The following AK9 variants were observed in gnomAD, a reference collection of about 807,000 sequenced individuals.
AK9 encodes the protein adenylate kinase 9.
Under a neutral mutation model 239.6 loss-of-function variants are expected in AK9, and 191 were observed. The ratio of observed to expected loss-of-function variants is 0.80; its 90% CI spans 0.71 to 0.90. The LOEUF is 0.90. AK9 is among the 40% of genes least tolerant of loss of function. The pLI is 0.00. For missense variants in AK9, 1,995 were observed against 2,214.7 expected, an observed-to-expected ratio of 0.90 and a Z score of 1.99; for synonymous variants, 689 against 721.0, an observed-to-expected ratio of 0.96 and a Z score of 0.71.
chr6:109,649,937 T>C (rs1375734983), intron 8 of AK9, among the ~76,000 whole-genome samples: 2 of 152,110 alleles, frequency 1.3e-5, no homozygotes, highest in Admixed American at 6.6e-5. Context: ...GCCGCAGATC[T>C]ACAACTATCT....
chr6:109,645,729 G>T (rs1247771041), intron 8 of AK9, among the ~76,000 whole-genome samples: 1 of 152,208 alleles, frequency 6.6e-6, no homozygotes, highest in Non-Finnish European at 1.5e-5. Flanking sequence ...CAGAGTTTGA[G>T]CTCTGAGAAT....
At chr6:109,632,862 C>CAGATAG in intron 12 of AK9, 61 bp downstream of exon 12, 1 of 1,253,704 alleles carries the variant, frequency 8.0e-7, no homozygotes, top group African/African-American at 1.6e-5. Context: ...GACAGATAGA[C>CAGATAG]ATAGATAGAT....
In AK9 at chr6:109,568,182, T is replaced by C. The variant is rs573525512; in HGVS notation, c.2345-3337A>G. Among the ~76,000 whole-genome samples, 448 of 152,194 alleles carry C rather than the reference T, an allele frequency of 2.9e-3. 4 individuals are homozygous for C. Among genetic ancestry groups the C allele is most frequent in the African/African-American group, 9.8e-3 (406 of 41,494 alleles). ...AACACAACAAAAGACAAAAACCACA[T>C]GGTTATCTCAATAAATGCAGAAAAG... On this transcript the variant is annotated intron_variant, in intron 21 of 40. Coordinates refer to ENST00000424296, the MANE Select transcript of AK9 (RefSeq NM_001145128.3).
intron 21 of AK9, among the ~76,000 whole-genome samples, chr6:109,570,001 T>C (rs1433595055): frequency 1.1e-4 from 17 of 152,270 alleles, no homozygotes; most frequent in East Asian, 1.9e-4. Context: ...TGTTGCACTA[T>C]TCACAATAGC....
rs553408024 is a variant in AK9 at position 109,550,344 on chromosome 6, A to G, written c.2752-42T>C. On this transcript the variant is annotated intron_variant, in intron 24 of 40. Coordinates refer to ENST00000424296, the MANE Select transcript of AK9 (RefSeq NM_001145128.3). ...AAGTTTGGAGAACATTAAACTAAAA[A>G]AGTATTTTGATGCAGATAATTTTTT... is the stretch of plus-strand genomic sequence containing the variant. The G allele has an allele frequency of 7.8e-6, 12 of 1,538,142 alleles. No homozygotes were observed. In the Admixed American group the frequency reaches 2.0e-4, roughly 26 times the overall value.
At chr6:109,582,981 C>G (rs1189622086) in intron 19 of AK9, among the ~76,000 whole-genome samples, 1 of 152,120 alleles carries the variant, frequency 6.6e-6, no homozygotes, top group African/African-American at 2.4e-5. Context: ...ATGATCATCA[C>G]CATGTTATTT....
At chr6:109,602,096 G>A (rs373706078) in intron 17 of AK9, among the ~76,000 whole-genome samples, 2 of 152,160 alleles carry the variant, frequency 1.3e-5, no homozygotes, top group Admixed American at 1.3e-4. Flanking sequence ...ATATTGTTAT[G>A]TGTGAATTTG....
intron 17 of AK9, among the ~76,000 whole-genome samples, chr6:109,588,385 T>C (rs1468442516): frequency 1.3e-5 from 2 of 152,188 alleles, no homozygotes; most frequent in Non-Finnish European, 2.9e-5. Context: ...TGCCTTCTTG[T>C]ATGTCTTCTT....
intron 20 of AK9, among the ~76,000 whole-genome samples, chr6:109,578,442 T>C (rs1044082386): frequency 6.6e-6 from 1 of 152,190 alleles, no homozygotes; most frequent in Admixed American, 6.5e-5. Flanking sequence ...TAATGATCTA[T>C]CAATTTTGCT....
chr6:109,497,360 A>T lies in AK9; in HGVS notation c.5315+105T>A, dbSNP rs34643089. 85,570 of 521,028 alleles carry T rather than the reference A, an allele frequency of 0.16. 9,102 individuals carry two copies. The highest frequency in any genetic ancestry group is 0.29 in the East Asian group (6,639 of 22,960). The allele number at this position is 521,028 out of a possible 1,614,324, so 32.3% of individuals were successfully genotyped here. ...CACACACACACACACACACACACACACACTCTCTCTCTCTCTCTCTCTCTC... is the reference window on the plus strand; with the variant it reads ...CACACACACACACACACACACACACTCACTCTCTCTCTCTCTCTCTCTCTC... On this transcript the variant is annotated intron_variant, in intron 38 of 40. Transcript: ENST00000424296.
chr6:109,679,571 C>G (rs1409151020), intron 1 of AK9, among the ~76,000 whole-genome samples: 1 of 152,140 alleles, frequency 6.6e-6, no homozygotes, highest in Non-Finnish European at 1.5e-5. Flanking sequence ...CTGAAGAGAG[C>G]AGGGGATCTC....
chr6:109,581,802 T>A (rs183502682), intron 19 of AK9, among the ~76,000 whole-genome samples: 1 of 152,276 alleles, frequency 6.6e-6, no homozygotes, highest in African/African-American at 2.4e-5. Flanking sequence ...AAAACAGGCT[T>A]CTATTGGAAG....
At chr6:109,512,675 T>C (rs1778874135) in intron 32 of AK9, among the ~76,000 whole-genome samples, 1 of 152,234 alleles carries the variant, frequency 6.6e-6, no homozygotes, top group African/African-American at 2.4e-5. Flanking sequence ...TGGAAATGTA[T>C]CCTATATCTG....
chr6:109,650,839 G>A (rs542939328), intron 8 of AK9, among the ~76,000 whole-genome samples: 14 of 152,100 alleles, frequency 9.2e-5, no homozygotes, highest in African/African-American at 1.9e-4. Context: ...CCCAAATGTC[G>A]AACAACGACA....
chr6:109,529,203 A>G, intron 28 of AK9, 130 bp from the exon 29 acceptor site: 1 of 1,024,472 alleles, frequency 9.8e-7, no homozygotes, highest in South Asian at 2.0e-5. Context: ...GCAGGAAAGG[A>G]TGTGATGGCG....
At chr6:109,563,735 G>C (rs894846337) in intron 23 of AK9, 23 bp from the exon 24 acceptor site, 16 of 1,536,868 alleles carry the variant, frequency 1.0e-5, no homozygotes, top group Non-Finnish European at 1.2e-5. Context: ...AGAATCATTG[G>C]GGAAAATATT....
intron 20 of AK9, among the ~76,000 whole-genome samples, chr6:109,576,983 A>G (rs1222440340): frequency 6.6e-6 from 1 of 151,948 alleles, no homozygotes; most frequent in Non-Finnish European, 1.5e-5. Flanking sequence ...GGCACCCGCC[A>G]CCACGCCCGG....
chr6:109,630,144 A>T (rs1238013927), intron 12 of AK9, among the ~76,000 whole-genome samples: 1 of 152,200 alleles, frequency 6.6e-6, no homozygotes, highest in Non-Finnish European at 1.5e-5. Flanking sequence ...AAGATAATAG[A>T]GAGAAGTTTT....
intron 12 of AK9, among the ~76,000 whole-genome samples, chr6:109,621,440 C>G (rs531810817): frequency 4.1e-5 from 1 of 24,454 alleles, no homozygotes; most frequent in South Asian, 1.1e-3. Flanking sequence ...GACACATGCA[C>G]ACGTATGTTT....
Sources: gnomAD v4.1 joint callset for allele counts (sites outside exome capture counted in the v4.1 genomes callset) on GRCh38, gnomAD v4.1.1 for gene constraint, MANE v1.5 for transcripts, NCBI Gene and HGNC (gene_info 2026-07-23, HGNC 2026-07-21) for gene names.